N4BP3: variants seen among roughly 807,000 people sequenced by gnomAD.
N4BP3 encodes the protein NEDD4 binding protein 3.
In N4BP3, 33 loss-of-function variants were observed where a neutral mutation model predicts 43.8. That is an observed-to-expected ratio of 0.75 (90% CI 0.57 to 1.01). N4BP3 has a LOEUF of 1.01. Ranked by LOEUF, N4BP3 falls within the 50% of genes least tolerant of loss-of-function variation. The probability of loss-of-function intolerance (pLI) is 0.00; values close to 1 mark genes in which losing one functional copy is unlikely to be tolerated. For missense variants in N4BP3, 756 were observed against 744.2 expected (o/e 1.02, Z -0.18); for synonymous variants, 326 against 321.9 (o/e 1.01, Z -0.14).
rs1561617004 is a variant in N4BP3 at position 178,120,323 on chromosome 5, G to GC, written c.480dup (p.Gly161ArgfsTer19). The GC allele has an allele frequency of 6.2e-7, 1 of 1,607,310 alleles. No individual in the cohort carries two copies. Among genetic ancestry groups the GC allele is most frequent in the Admixed American group, 1.7e-5 (1 of 59,672 alleles). On this transcript the variant is annotated frameshift_variant, in exon 3 of 5. Transcript: ENST00000274605. LOFTEE classifies it high-confidence loss of function. ...ACGCTGGCCTGCCACCCGCCCCTGA[G>GC]CCCCGGGCCCCGGGCCAGCCAGGCC...
At chr5:178,121,044 T>G in intron 3 of N4BP3, 54 bp from the exon 4 acceptor site, 5 of 1,561,040 alleles carry the variant, frequency 3.2e-6, no homozygotes, top group Non-Finnish European at 4.3e-6. Context: ...GGTGGAGCTC[T>G]GAGTCGCCTC....
chr5:178,118,679 C>T lies in N4BP3; in HGVS notation c.-30-875C>T, dbSNP rs570587939. 6.6e-6 allele frequency among the ~76,000 whole-genome samples: 1 copy of T among 152,106 alleles called. No individual in the cohort carries two copies. The highest frequency in any genetic ancestry group is 1.5e-5 in the Non-Finnish European group (1 of 68,016). ...CCCACTGTAGCCCCCAACCCTCCCC[C>T]CCATGCCAGATGTTTCCCTTGGGGA... On this transcript the variant is annotated intron_variant, in intron 1 of 4. Coordinates refer to ENST00000274605, the MANE Select transcript of N4BP3 (RefSeq NM_015111.2). This position sits in a 1 kb window ranked among gnomAD's most constrained non-coding sequence, Gnocchi z 5.4.
rs376622545 is a variant in N4BP3, at chr5:178,118,348, C to T, written c.-30-1206C>T. Among the ~76,000 whole-genome samples the T allele has an allele frequency of 3.9e-5, 6 of 152,228 alleles. No homozygotes were observed. The highest frequency in any genetic ancestry group is 2.1e-4 in the South Asian group (1 of 4,836). ...GGTGCTCTGTCATGTTATCCCACCC[C>T]ATCCTCCCAGCATCCCAGTGATAAG... On this transcript the variant is annotated intron_variant, in intron 1 of 4. Transcript: ENST00000274605. This position sits in a 1 kb window ranked among gnomAD's most constrained non-coding sequence, Gnocchi z 5.4.
downstream of N4BP3, among the ~76,000 whole-genome samples, chr5:178,126,459 T>G (rs1758067467): frequency 6.6e-6 from 1 of 151,844 alleles, no homozygotes; most frequent in African/African-American, 2.4e-5. Flanking sequence ...ATTATGGGCG[T>G]GGGCCACGGC....
At position 178,121,607 on chromosome 5, in the gene N4BP3, C is replaced by T. The variant is rs879732953; in HGVS notation, c.1241C>T (p.Ala414Val). The T allele has an allele frequency of 1.9e-6, 3 of 1,613,276 alleles. No individual in the cohort carries two copies. The highest frequency in any genetic ancestry group is 2.5e-6 in the Non-Finnish European group (3 of 1,179,954). The change falls in exon 5 of 5, where the codon GCT (alanine) becomes GTT (valine). Residue 414 changes from alanine to valine, a missense_variant. Coordinates refer to ENST00000274605, the MANE Select transcript of N4BP3 (RefSeq NM_015111.2). ...CGGGGCAGCCGGGCACAAGCCCAGG[C>T]TCAGGACGCAGAGCTGGTCCGGCTG... ...QLRGSRAQAQ[A>V]QDAELVRLRE... is the part of the protein sequence containing the mutation.
rs1757968581 is a variant in N4BP3 at position 178,122,961 on chromosome 5, G to T, written c.*960G>T. ...GGAACATTTCCCCATCAGCAACGGG[G>T]CTCTAGGGCATTATTAAGTAGGGGT... On this transcript the variant is annotated 3_prime_UTR_variant, in exon 5 of 5. Transcript: ENST00000274605. The T allele has an allele frequency of 6.6e-6, 1 of 152,264 alleles. No homozygotes were observed. Among genetic ancestry groups the T allele is most frequent in the African/African-American group, 2.4e-5 (1 of 41,456 alleles). 9.4% of individuals were successfully genotyped at this position (152,264 alleles called of 1,614,324 possible).
Position 178,120,504 on chromosome 5 carries a change from G to T in N4BP3, c.657G>T (p.Gly219=), listed in dbSNP as rs768180896. ...CCCTTGGCCACCTTAACCACCTCGG[G>T]GGCTCCCTGGACCGGGCCTCTCAAG... The part of the protein sequence containing the change: ...SSSLGHLNHL[G]GSLDRASQGP... The change falls in exon 3 of 5, where the codon GGG becomes GGT. Residue 219 remains glycine (G), a synonymous_variant. Coordinates refer to ENST00000274605, the MANE Select transcript of N4BP3 (RefSeq NM_015111.2). 5 of 1,613,060 alleles carry T rather than the reference G, an allele frequency of 3.1e-6. No individual in the cohort carries two copies. The highest frequency in any genetic ancestry group is 2.2e-5 in the South Asian group (2 of 91,088).
chr5:178,119,817 C>A lies in N4BP3; in HGVS notation c.234C>A (p.Asn78Lys), dbSNP rs766473340. 6.2e-7 allele frequency: 1 copy of A among 1,613,318 alleles called. No homozygotes were observed. The highest frequency in any genetic ancestry group is 1.7e-5 in the Admixed American group (1 of 60,024). ...AGAACACCAAGCGGGCCCCTCGGAA[C>A]GAGCCTGCCGACTATGCCACCCTCT... ...STKNTKRAPR[N>K]EPADYATLYY... is the part of the protein sequence containing the mutation. The change falls in exon 2 of 5, where the codon AAC becomes AAA. Residue 78 changes from asparagine to lysine, a missense_variant. Asn to Lys is a moderately conservative substitution (Grantham distance 94). Transcript: ENST00000274605.
Position 178,120,343 on chromosome 5 carries a change from C to G in N4BP3, c.496C>G (p.Gln166Glu), listed in dbSNP as rs772816113. The G allele has an allele frequency of 6.8e-6, 11 of 1,607,180 alleles. No individual in the cohort carries two copies. The highest frequency in any genetic ancestry group is 3.4e-4 in the Middle Eastern group (2 of 5,930). The change falls in exon 3 of 5, where the codon CAG becomes GAG. Residue 166 changes from glutamine to glutamate, a missense_variant. By Grantham distance (29) the Gln-to-Glu change is conservative. Transcript: ENST00000274605. ...CCTGAGCCCCGGGCCCCGGGCCAGC[C>G]AGGCCCGGGCACAGCTGCTGCACGC... ...PPLSPGPRAS[Q>E]ARAQLLHALS... is the part of the protein sequence containing the mutation.
chr5:178,114,820 TG>T (rs1258152281), intron 1 of N4BP3, among the ~76,000 whole-genome samples: 1 of 152,156 alleles, frequency 6.6e-6, no homozygotes, highest in African/African-American at 2.4e-5. Flanking sequence ...CTTCCTGACC[TG>T]GGGGGCAGCA....
At chr5:178,115,199 G>A (rs1440936962) in intron 1 of N4BP3, among the ~76,000 whole-genome samples, 2 of 152,214 alleles carry the variant, frequency 1.3e-5, no homozygotes, top group Admixed American at 6.5e-5. Flanking sequence ...GTAGACTGCG[G>A]TGCAGCCGTG....
intron 1 of N4BP3, among the ~76,000 whole-genome samples, chr5:178,116,765 C>T (rs965431772): frequency 6.6e-6 from 1 of 152,166 alleles, no homozygotes; most frequent in East Asian, 1.9e-4. Context: ...GGTCGGTTAT[C>T]TCCTCGAGAC....
In N4BP3 at chr5:178,118,504, G is replaced by T. The variant is rs992131570; in HGVS notation, c.-30-1050G>T. Among the ~76,000 whole-genome samples, 1 of 152,176 alleles carries T rather than the reference G, an allele frequency of 6.6e-6. No homozygotes were observed. Among genetic ancestry groups the T allele is most frequent in the South Asian group, 2.1e-4 (1 of 4,836 alleles). On this transcript the variant is annotated intron_variant, in intron 1 of 4. Transcript: ENST00000274605. This position sits in a 1 kb window ranked among gnomAD's most constrained non-coding sequence, Gnocchi z 5.4. ...CCACCCTGCCGGGTGGTGGGCTTTG[G>T]AATAAGAGCATATACAGGGGCTGGA...
Position 178,121,979 on chromosome 5 carries a change from G to A in N4BP3, c.1613G>A (p.Arg538Gln), listed in dbSNP as rs2113320388. The A allele has an allele frequency of 1.2e-6, 2 of 1,600,930 alleles. No homozygotes were observed. The highest frequency in any genetic ancestry group is 2.2e-5 in the East Asian group (1 of 44,760). The change falls in exon 5 of 5, where the codon CGG becomes CAG. Residue 538 changes from arginine (R) to glutamine (Q), a missense_variant. Physicochemically the swap from Arg to Gln is conservative, Grantham distance 43. Transcript: ENST00000274605. ...GAGCCCCCCACACCCTGGAGTCCCC[G>A]GCTCGAGTCCTCCAAGATCTGAGGC... ...LREPPTPWSP[R>Q]LESSKI
At chr5:178,119,524 C>T (rs2113301737) in intron 1 of N4BP3, 30 bp from the exon 2 acceptor site, 3 of 1,477,406 alleles carry the variant, frequency 2.0e-6, no homozygotes, top group Middle Eastern at 1.9e-4. Flanking sequence ...CAGTGCTCAC[C>T]TGCCCCTAAT....
In N4BP3 at chr5:178,122,020, ACAG is replaced by A. The variant is rs1156772631; in HGVS notation, c.*25_*27del. 1.3e-6 allele frequency: 2 copies of A among 1,565,712 alleles called. No individual in the cohort carries two copies. On this transcript the variant is annotated 3_prime_UTR_variant, in exon 5 of 5. Coordinates refer to ENST00000274605, the MANE Select transcript of N4BP3 (RefSeq NM_015111.2). ...GATCTGAGGCCAGCAGAGCGAGCTG[ACAG>A]CAGCAACACTGTCAGAAGGTGCCCT...
At position 178,122,075 on chromosome 5, in the gene N4BP3, C is replaced by T. The variant is rs1757946094; in HGVS notation, c.*74C>T. 2 of 1,477,872 alleles carry T rather than the reference C, an allele frequency of 1.4e-6. No individual in the cohort carries two copies. The highest frequency in any genetic ancestry group is 9.0e-7 in the Non-Finnish European group (1 of 1,114,066). 91.5% of individuals were successfully genotyped at this position (1,477,872 alleles called of 1,614,324 possible). On this transcript the variant is annotated 3_prime_UTR_variant, in exon 5 of 5. Coordinates refer to ENST00000274605, the MANE Select transcript of N4BP3 (RefSeq NM_015111.2). Reference sequence around the variant, plus strand: ...AGACGGCCGGCTCAGCCTTCCCTTGCACTGGTTGGGGTGGAACCTGCAGAG... The same window carrying T: ...AGACGGCCGGCTCAGCCTTCCCTTGTACTGGTTGGGGTGGAACCTGCAGAG...
In N4BP3 at chr5:178,120,486, C is replaced by T. The variant is rs754040615; in HGVS notation, c.639C>T (p.Gly213=). The T allele has an allele frequency of 4.3e-6, 7 of 1,613,102 alleles. 1 individual carries two copies. The South Asian group carries it at 7.7e-5, about 18-fold the overall frequency. The change falls in exon 3 of 5, where the codon GGC becomes GGT. Residue 213 remains glycine (G), a synonymous_variant. Transcript: ENST00000274605. ...CTAGCCCCTTCAGCTCCTCCCTTGG[C>T]CACCTTAACCACCTCGGGGGCTCCC... ...TGPSPFSSSL[G]HLNHLGGSLD... is the part of the protein sequence containing the mutation.
chr5:178,126,452 A>T (rs1157965393), downstream of N4BP3, among the ~76,000 whole-genome samples: 1 of 151,952 alleles, frequency 6.6e-6, no homozygotes, highest in Non-Finnish European at 1.5e-5. Context: ...TGCTCGGATT[A>T]TGGGCGTGGG....
Sources: allele counts gnomAD v4.1 joint callset (sites outside exome capture counted in the v4.1 genomes callset), GRCh38; gene constraint gnomAD v4.1.1; non-coding constraint Gnocchi (gnomAD v3.1); transcripts MANE v1.5; gene names NCBI Gene and HGNC (gene_info 2026-07-23, HGNC 2026-07-21).